Variants in CDH17 observed in about 807,000 individuals in gnomAD.
CDH17 encodes the protein cadherin 17, also known as cadherin-17.
Under a neutral mutation model 86.3 loss-of-function variants are expected in CDH17, and 67 were observed. The observed-to-expected ratio is 0.78, with a 90% CI of 0.64 to 0.95. The LOEUF (loss-of-function observed/expected upper bound fraction) is 0.95, where lower values mean the gene tolerates loss of function less well. Among genes scored for constraint, CDH17 ranks in the 40% least tolerant of loss-of-function variants. CDH17 has a pLI of 0.00. For missense variants in CDH17, 993 were observed against 1,017.6 expected (o/e 0.98, Z 0.33); for synonymous variants, 367 against 366.4 (o/e 1.00, Z -0.02).
chr8:94,170,222 A>G (rs74901727), intron 9 of CDH17, among the ~76,000 whole-genome samples, 175 bp downstream of exon 9: 2,532 of 152,248 alleles, frequency 0.017, 52 homozygotes, highest in African/African-American at 0.044. Context: ...AATACTATCC[A>G]GATACTGTTT....
In CDH17 at chr8:94,130,646, A is replaced by G. The variant is rs544278571; in HGVS notation, c.2378T>C (p.Leu793Pro). ...CTCACCAATCACCAGAAGGGTGGTC[A>G]GCAGTATACCAACTGCCATGCCCAC... ...PTVGMAVGILLTTLLVIGIIL... is the reference protein window; with the variant it reads ...PTVGMAVGILPTTLLVIGIIL... The change falls in exon 17 of 18, where the codon CTG (leucine) becomes CCG (proline). Residue 793 changes from leucine (L) to proline (P), a missense_variant. Transcript: ENST00000027335. The G allele has an allele frequency of 6.8e-6, 11 of 1,611,498 alleles. No individual in the cohort carries two copies. In the South Asian group the frequency reaches 1.1e-4, roughly 16 times the overall value.
At chr8:94,175,938 G>A (rs1018734072) in intron 5 of CDH17, among the ~76,000 whole-genome samples, 2 of 152,114 alleles carry the variant, frequency 1.3e-5, no homozygotes, top group African/African-American at 4.8e-5. Flanking sequence ...TGCCCAGACC[G>A]AGTGCAATAG....
intron 3 of CDH17, among the ~76,000 whole-genome samples, chr8:94,182,690 A>T (rs1464886215): frequency 1.3e-5 from 2 of 152,120 alleles, no homozygotes; most frequent in African/African-American, 4.8e-5. Flanking sequence ...AGCTTTCTCC[A>T]TAAGATCAGA....
At chr8:94,216,840 G>A (rs1158986991) in intron 1 of CDH17, among the ~76,000 whole-genome samples, 2 of 152,090 alleles carry the variant, frequency 1.3e-5, no homozygotes, top group Admixed American at 6.6e-5. Flanking sequence ...GGTTCTCAAC[G>A]CTGGCCGCAT....
chr8:94,199,084 T>TATATATATATATATATA (rs1491389929), intron 1 of CDH17, among the ~76,000 whole-genome samples: 2 of 12,038 alleles, frequency 1.7e-4, no homozygotes, highest in Non-Finnish European at 2.8e-4. Flanking sequence ...TATATATATA[T>TATATATATATATATATA]TTTTTTTTTT....
chr8:94,205,007 C>T (rs988768319), intron 1 of CDH17, among the ~76,000 whole-genome samples: 1 of 152,190 alleles, frequency 6.6e-6, no homozygotes, highest in African/African-American at 2.4e-5. Context: ...TGACGATGAC[C>T]TTGTGCAGAA....
At chr8:94,177,887 T>C (rs1813406173) in intron 3 of CDH17, among the ~76,000 whole-genome samples, 166 bp from the exon 4 acceptor site, 1 of 152,244 alleles carries the variant, frequency 6.6e-6, no homozygotes, top group Non-Finnish European at 1.5e-5. Context: ...GCACAATAAC[T>C]GTGTAACATT....
chr8:94,131,149 C>T (rs1341586022), intron 15 of CDH17, among the ~76,000 whole-genome samples, 157 bp from the exon 16 acceptor site: 1 of 152,184 alleles, frequency 6.6e-6, no homozygotes, highest in African/African-American at 2.4e-5. Context: ...CATGTATCTT[C>T]CCATAAGGTA....
intron 1 of CDH17, among the ~76,000 whole-genome samples, chr8:94,203,224 A>G (rs1813956572): frequency 6.6e-6 from 1 of 152,216 alleles, no homozygotes; most frequent in Non-Finnish European, 1.5e-5. Context: ...AGAGTCAGTC[A>G]TCTCTTATTT....
chr8:94,197,802 G>A (rs1430528363), intron 1 of CDH17, among the ~76,000 whole-genome samples: 7 of 144,966 alleles, frequency 4.8e-5, no homozygotes, highest in Admixed American at 1.4e-4. Flanking sequence ...TTGTACTCCA[G>A]CCTGGGTGAT....
At chr8:94,165,510 C>T (rs959242725) in intron 10 of CDH17, among the ~76,000 whole-genome samples, 4 of 152,162 alleles carry the variant, frequency 2.6e-5, no homozygotes, top group East Asian at 1.9e-4. Context: ...ATAAAATCCT[C>T]GTACATTTAA....
At position 94,130,724 on chromosome 8, in the gene CDH17, C is replaced by G; in HGVS notation, c.2300G>C (p.Cys767Ser). ...IVSLPVTFCS[C>S]VEGSCFRPAG... ...TGGCCGGAAACAACTTCCTTCCACA[C>G]AACTGCAGAATGTAACTGAAAAGCA... The change falls in exon 17 of 18, where the codon TGT becomes TCT. Residue 767 changes from cysteine to serine, a missense_variant. Cys to Ser is a moderately radical substitution (Grantham distance 112). Transcript: ENST00000027335. 6.2e-7 allele frequency: 1 copy of G among 1,613,676 alleles called. No homozygotes were observed. Among genetic ancestry groups the G allele is most frequent in the East Asian group, 2.2e-5 (1 of 44,886 alleles).
chr8:94,174,049 C>A lies in CDH17; in HGVS notation c.583+53G>T, dbSNP rs1813321667. The A allele has an allele frequency of 5.0e-6, 8 of 1,608,908 alleles. No homozygotes were observed. In the South Asian group the frequency reaches 7.7e-5, roughly 15 times the overall value. Reference sequence around the variant, plus strand: ...GGAAGTGTCTCTGGAAGAGACAGACCAAACTCCCTTTTTCTGATCGAGACA... The same window carrying A: ...GGAAGTGTCTCTGGAAGAGACAGACAAAACTCCCTTTTTCTGATCGAGACA... On this transcript the variant is annotated intron_variant, in intron 6 of 17. Transcript: ENST00000027335.
At chr8:94,211,378 C>T (rs183820686), upstream of CDH17, among the ~76,000 whole-genome samples, 256 of 152,272 alleles carry the variant, frequency 1.7e-3, 1 homozygote, top group African/African-American at 6.0e-3. Flanking sequence ...ATGGCACAAT[C>T]TCAGCTCACT....
At chr8:94,199,854 A>G (rs1473194975) in intron 1 of CDH17, among the ~76,000 whole-genome samples, 1 of 152,172 alleles carries the variant, frequency 6.6e-6, no homozygotes, top group Non-Finnish European at 1.5e-5. Flanking sequence ...TCTATAAAGC[A>G]GGGATAATAA....
At chr8:94,196,878 T>G (rs751988999) in intron 1 of CDH17, among the ~76,000 whole-genome samples, 18 of 152,138 alleles carry the variant, frequency 1.2e-4, no homozygotes, top group Admixed American at 1.1e-3. Context: ...AGCAACAGAC[T>G]ATATGGTGCT....
At chr8:94,141,058 T>C (rs1057422695) in intron 15 of CDH17, among the ~76,000 whole-genome samples, 6 of 152,118 alleles carry the variant, frequency 3.9e-5, no homozygotes, top group South Asian at 2.1e-4. Flanking sequence ...CTCATGAATA[T>C]AGATGCAAAA....
chr8:94,135,467 C>T (rs1812504650), intron 15 of CDH17, among the ~76,000 whole-genome samples: 1 of 152,176 alleles, frequency 6.6e-6, no homozygotes, highest in Admixed American at 6.5e-5. Flanking sequence ...TTATCAGAGA[C>T]TAGGATTGCG....
intron 1 of CDH17, among the ~76,000 whole-genome samples, chr8:94,215,641 T>C (rs1056755585): frequency 3.9e-5 from 6 of 152,226 alleles, no homozygotes; most frequent in African/African-American, 1.4e-4. Flanking sequence ...GTAAGCTGTA[T>C]GATATGTCAA....
Sources: gnomAD v4.1 joint callset for allele counts (sites outside exome capture counted in the v4.1 genomes callset) on GRCh38, gnomAD v4.1.1 for gene constraint, MANE v1.5 for transcripts, NCBI Gene and HGNC (gene_info 2026-07-23, HGNC 2026-07-21) for gene names.